The following MTHFSD variants were observed in gnomAD, a reference collection of about 807,000 sequenced individuals.
MTHFSD encodes methenyltetrahydrofolate synthase domain-containing protein.
In MTHFSD, 37 loss-of-function variants were observed where a neutral mutation model predicts 31.1. That is an observed-to-expected ratio of 1.19 (90% confidence interval 0.91 to 1.56). The LOEUF (loss-of-function observed/expected upper bound fraction) is 1.56. Among genes scored for constraint, MTHFSD ranks in the 40% most tolerant of loss-of-function variants. The probability of loss-of-function intolerance (pLI) is 0.00; values close to 1 mark genes in which losing one functional copy is unlikely to be tolerated. For synonymous variants in MTHFSD, 221 were observed against 206.9 expected (o/e 1.07, Z -0.59); for missense variants, 664 against 510.1 (o/e 1.30, Z -2.91).
In MTHFSD at chr16:86,554,681, A is replaced by T; in HGVS notation, c.87T>A (p.Phe29Leu). 1 of 1,614,190 alleles carries T rather than the reference A, an allele frequency of 6.2e-7. No homozygotes were observed. Among genetic ancestry groups the T allele is most frequent in the Non-Finnish European group, 8.5e-7 (1 of 1,180,024 alleles). Residue 29 changes from phenylalanine (F) to leucine (L), a missense_variant, in exon 2 of 8, where the codon TTT becomes TTA. Transcript: ENST00000360900. ...GYMESQNLAD[F>L]PRPVHHRIPN... ...GTATCCTGTGATGAACAGGTCGGGG[A>T]AAGTCAGCTAAATTTTGTGATTCCA... is the stretch of plus-strand genomic sequence containing the variant.
chr16:86,547,131 G>A (rs1192734434), intron 4 of MTHFSD: 4 of 974,678 alleles, frequency 4.1e-6, no homozygotes, highest in Non-Finnish European at 1.2e-6. Context: ...TAGCACATAA[G>A]ACATGGTCAG....
chr16:86,546,748 G>A, intron 4 of MTHFSD, 99 bp from the exon 5 acceptor site: 3 of 1,019,450 alleles, frequency 2.9e-6, no homozygotes, highest in Non-Finnish European at 3.0e-6. Context: ...TCAACCTCTT[G>A]GACAAAACAG....
chr16:86,532,511 A>C, intron 7 of MTHFSD, 30 bp from the exon 8 acceptor site: 1 of 1,387,666 alleles, frequency 7.2e-7, no homozygotes, highest in Non-Finnish European at 9.3e-7. Context: ...CAGCTCTTTC[A>C]GGGACAGAAT....
intron 7 of MTHFSD, among the ~76,000 whole-genome samples, chr16:86,534,445 G>A (rs1970400497): frequency 6.6e-6 from 1 of 152,184 alleles, no homozygotes; most frequent in Admixed American, 6.5e-5. Context: ...GCCTGAGAAT[G>A]CTTGCTTCTG....
At chr16:86,551,257 G>T (rs544840970) in intron 3 of MTHFSD, among the ~76,000 whole-genome samples, 3 of 152,156 alleles carry the variant, frequency 2.0e-5, no homozygotes, top group African/African-American at 7.2e-5. Flanking sequence ...TCAACCCTGG[G>T]GGAGTTTTCT....
At chr16:86,534,317 A>C (rs1267390560) in intron 7 of MTHFSD, among the ~76,000 whole-genome samples, 1 of 152,244 alleles carries the variant, frequency 6.6e-6, no homozygotes, top group Non-Finnish European at 1.5e-5. Context: ...AGCCGATTGT[A>C]TATTTGCTGG....
chr16:86,541,172 A>G (rs1417889021), intron 7 of MTHFSD: 1 of 1,289,658 alleles, frequency 7.8e-7, no homozygotes, highest in Admixed American at 2.3e-5. Context: ...ACTGCAGACT[A>G]ATTTGCAACC....
rs955702847 is a variant in MTHFSD, at chr16:86,542,382, C to T, written c.443-169G>A. ...AATGCCCACAAGCAGCCCACACTGACGATGGACTTTTGGGCATTCAACAGG... is the reference window on the plus strand; with the variant it reads ...AATGCCCACAAGCAGCCCACACTGATGATGGACTTTTGGGCATTCAACAGG... On this transcript the variant is annotated intron_variant, in intron 5 of 7. Coordinates refer to ENST00000360900, the MANE Select transcript of MTHFSD (RefSeq NM_001159377.2). The surrounding 1 kb of genome is among the most constrained non-coding windows in gnomAD (Gnocchi z 4.6). 9 of 606,660 alleles carry T rather than the reference C, an allele frequency of 1.5e-5. No homozygotes were observed. Among genetic ancestry groups the T allele is most frequent in the South Asian group, 1.0e-4 (5 of 49,848 alleles). The allele number at this position is 606,660 out of a possible 1,614,324, so 37.6% of individuals were successfully genotyped here.
In MTHFSD at chr16:86,552,309, C is replaced by T. The variant is rs570907132; in HGVS notation, c.124-163G>A. On this transcript the variant is annotated intron_variant, in intron 2 of 7. Transcript: ENST00000360900. ...AGAAGCGCCCTGTTTCCAATGCAATCGCACGTTACTGAAAGGACAGCACGC... is the reference window on the plus strand; with the variant it reads ...AGAAGCGCCCTGTTTCCAATGCAATTGCACGTTACTGAAAGGACAGCACGC... 7.1e-6 allele frequency: 11 copies of T among 1,542,094 alleles called. No individual in the cohort carries two copies. In the East Asian group the frequency reaches 9.8e-5, roughly 14 times the overall value.
At chr16:86,549,930 A>G (rs1035244663) in intron 3 of MTHFSD, among the ~76,000 whole-genome samples, 1 of 152,186 alleles carries the variant, frequency 6.6e-6, no homozygotes, top group Non-Finnish European at 1.5e-5. Context: ...CCGGTCAGAC[A>G]CTGGCCACTG....
Position 86,532,456 on chromosome 16 carries a change from A to C in MTHFSD, c.707T>G (p.Ile236Ser), listed in dbSNP as rs765096650. The C allele has an allele frequency of 6.3e-6, 9 of 1,438,768 alleles. No individual in the cohort carries two copies. Among genetic ancestry groups the C allele is most frequent in the Non-Finnish European group, 8.2e-6 (9 of 1,093,246 alleles). The allele number at this position is 1,438,768 out of a possible 1,614,324, so 89.1% of individuals were successfully genotyped here. A position where few individuals can be genotyped will look rare whatever the true frequency, so the allele number is the denominator to read the frequency against. ...FKISLEMMEK[I>S]PILRSLRARE... is the part of the protein sequence containing the mutation. Reference sequence around the variant, plus strand: ...GGCGCGGAGGCTCCTCAGTATGGGGATTTTCTCCATCATCTCCAGGCTGAT... The same window carrying C: ...GGCGCGGAGGCTCCTCAGTATGGGGCTTTTCTCCATCATCTCCAGGCTGAT... The change falls in exon 8 of 8, where the codon ATC becomes AGC. Residue 236 changes from isoleucine (I) to serine (S), a missense_variant. Coordinates refer to ENST00000360900, the MANE Select transcript of MTHFSD (RefSeq NM_001159377.2).
rs755381971 is a variant in MTHFSD, at chr16:86,531,861, C to T, written c.*150G>A. On this transcript the variant is annotated 3_prime_UTR_variant, in exon 8 of 8. Coordinates refer to ENST00000360900, the MANE Select transcript of MTHFSD (RefSeq NM_001159377.2). The surrounding 1 kb of genome is among the most constrained non-coding windows in gnomAD (Gnocchi z 5.5). ...CAGGAGGGCCTGGGCGTTCACTGAG[C>T]GGTGACTTCTGAGAAGAATTGAGAC... The T allele has an allele frequency of 4.4e-4, 213 of 485,902 alleles. No individual in the cohort carries two copies. The highest frequency in any genetic ancestry group is 5.3e-4 in the Middle Eastern group (1 of 1,878). The allele number at this position is 485,902 out of a possible 1,614,324, so 30.1% of individuals were successfully genotyped here. A position where few individuals can be genotyped will look rare whatever the true frequency, so the allele number is the denominator to read the frequency against.
At chr16:86,551,364 TATC>T (rs1422063823) in intron 3 of MTHFSD, among the ~76,000 whole-genome samples, 2 of 152,214 alleles carry the variant, frequency 1.3e-5, no homozygotes, top group African/African-American at 4.8e-5. Context: ...ACTCGTGATT[TATC>T]ATGTTTCAAA....
At chr16:86,537,907 C>CA (rs1450355965) in intron 7 of MTHFSD, among the ~76,000 whole-genome samples, 1 of 152,226 alleles carries the variant, frequency 6.6e-6, no homozygotes, top group African/African-American at 2.4e-5. Context: ...CCAGGAAAGT[C>CA]AGATGCACGG....
At chr16:86,534,941 C>T (rs989127954) in intron 7 of MTHFSD, among the ~76,000 whole-genome samples, 3 of 152,194 alleles carry the variant, frequency 2.0e-5, no homozygotes, top group African/African-American at 7.2e-5. Context: ...GTTATTTCCC[C>T]TCCCATCTGT....
In MTHFSD at chr16:86,552,132, A is replaced by G; in HGVS notation, c.138T>C (p.Ala46=). Residue 46 remains alanine, a synonymous_variant, in exon 3 of 8, where the codon GCT becomes GCC. Coordinates refer to ENST00000360900, the MANE Select transcript of MTHFSD (RefSeq NM_001159377.2). ...RIPNFKGSYL[A]CQNIKDLDVF... ...CGTCTAGGTCTTTGATGTTTTGGCA[A>G]GCCAGATAAGACCCCTAGTTAGGCA... 1 of 1,614,210 alleles carries G rather than the reference A, an allele frequency of 6.2e-7. No homozygotes were observed. Among genetic ancestry groups the G allele is most frequent in the Non-Finnish European group, 8.5e-7 (1 of 1,180,046 alleles).
chr16:86,545,998 C>T (rs1972243365), intron 5 of MTHFSD, among the ~76,000 whole-genome samples: 1 of 152,240 alleles, frequency 6.6e-6, no homozygotes, highest in Admixed American at 6.5e-5. Context: ...ACCCTGCCCT[C>T]TTAGCAAGGG....
At chr16:86,532,885 C>G (rs905175681) in intron 7 of MTHFSD, 1 of 155,798 alleles carries the variant, frequency 6.4e-6, no homozygotes, top group Non-Finnish European at 1.4e-5. Flanking sequence ...AAAGGCAGCT[C>G]CCCTAATGAC....
Position 86,547,992 on chromosome 16 carries a change from A to T in MTHFSD, c.351+472T>A, listed in dbSNP as rs1271317812. The T allele has an allele frequency of 1.4e-5, 18 of 1,251,068 alleles. No individual in the cohort carries two copies. In the Admixed American group the frequency reaches 4.2e-4, roughly 29 times the overall value. The allele number at this position is 1,251,068 out of a possible 1,614,324, so 77.5% of individuals were successfully genotyped here. ...ACTTGGTTTTACTAAATTGTGAGGC[A>T]TTCAAGAAAATCTTAAATATGTAAT... On this transcript the variant is annotated intron_variant, in intron 4 of 7. Transcript: ENST00000360900.
Sources: allele counts gnomAD v4.1 joint callset (sites outside exome capture counted in the v4.1 genomes callset), GRCh38; gene constraint gnomAD v4.1.1; non-coding constraint Gnocchi (gnomAD v3.1); transcripts MANE v1.5; gene names NCBI Gene and HGNC (gene_info 2026-07-23, HGNC 2026-07-21).